The following TUBB8 variants were observed in gnomAD, a reference collection of about 807,000 sequenced individuals.
The protein encoded by TUBB8 is tubulin beta-8 chain.
Under a neutral mutation model 33.7 loss-of-function variants are expected in TUBB8, and 25 were observed. The observed-to-expected ratio is 0.74, with a 90% CI of 0.54 to 1.04. TUBB8 has a LOEUF of 1.04. TUBB8 is among the 50% of genes least tolerant of loss of function. The probability of loss-of-function intolerance (pLI) is 0.00; values close to 1 mark genes in which losing one functional copy is unlikely to be tolerated. For missense variants in TUBB8, 279 were observed against 608.0 expected (o/e 0.46, Z 5.69); for synonymous variants, 245 against 240.1 (o/e 1.02, Z -0.19).
chr10:75,947 T>C (rs1834807722), upstream of TUBB8, among the ~76,000 whole-genome samples: 1 of 151,940 alleles, frequency 6.6e-6, no homozygotes, highest in Non-Finnish European at 1.5e-5. Flanking sequence ...GAGACCAGCC[T>C]GGCCAACATA....
chr10:48,866 G>A lies in TUBB8; in HGVS notation c.104C>T (p.Thr35Ile). The A allele has an allele frequency of 6.3e-7, 1 of 1,587,990 alleles. No individual in the cohort carries two copies. Among genetic ancestry groups the A allele is most frequent in the Non-Finnish European group, 8.6e-7 (1 of 1,168,952 alleles). The change falls in exon 2 of 4, where the codon ACC becomes ATC. Residue 35 changes from threonine to isoleucine, a missense_variant. This residue lies in a region of TUBB8 where 56 missense variants were observed against 77.9 expected (regional missense o/e 0.72). Transcript: ENST00000568584. ...SDEHAIDSAG[T>I]YHGDSHLQLE... is the part of the protein sequence containing the mutation. ...CTGCAGGTGGCTGTCCCCGTGGTAG[G>A]TGCCAGCGGAGTCGATGGCATGTTC...
intron 1 of TUBB8, among the ~76,000 whole-genome samples, chr10:63,592 T>C (rs1481854578): frequency 6.6e-6 from 1 of 152,250 alleles, no homozygotes; most frequent in Non-Finnish European, 1.5e-5. Context: ...TGATGCATTC[T>C]TCAGTATGAT....
chr10:69,884 C>T (rs1221667906), intron 1 of TUBB8, among the ~76,000 whole-genome samples: 2,860 of 111,760 alleles, frequency 0.026, no homozygotes, highest in African/African-American at 0.065. Flanking sequence ...GGGCCAGACC[C>T]TAAAAACACT....
chr10:74,375 C>T (rs1554742828), upstream of TUBB8, among the ~76,000 whole-genome samples: 1 of 151,338 alleles, frequency 6.6e-6, no homozygotes, highest in Non-Finnish European at 1.5e-5. Context: ...GCCTGTAATC[C>T]CAGTACTTTG....
intron 1 of TUBB8, among the ~76,000 whole-genome samples, chr10:67,767 ATAT>A (rs1463603085): frequency 2.6e-5 from 4 of 152,110 alleles, no homozygotes; most frequent in Non-Finnish European, 5.9e-5. Context: ...ATTCCAAATA[ATAT>A]TATTACTGTT....
In TUBB8 at chr10:66,669, T is replaced by A. The variant is rs189207609; in HGVS notation, c.-846+7300A>T. On this transcript the variant is annotated intron_variant, in intron 1 of 3. Coordinates refer to the TUBB8 transcript ENST00000564130. The stretch of plus-strand genomic sequence containing the variant: ...GCCTTGAAAAAGAAAGAAAAAGAAA[T>A]TACATTTTTAAAAATCAACAGGCTG... Among the ~76,000 whole-genome samples the A allele has an allele frequency of 6.8e-3, 1,030 of 152,166 alleles. 7 individuals are homozygous for A. Among genetic ancestry groups the A allele is most frequent in the African/African-American group, 0.023 (973 of 41,518 alleles).
intron 1 of TUBB8, among the ~76,000 whole-genome samples, chr10:57,170 T>C (rs1834542157): frequency 6.6e-6 from 1 of 152,258 alleles, no homozygotes; most frequent in African/African-American, 2.4e-5. Context: ...GTTTAGACCT[T>C]GTGGCTTTGC....
At chr10:76,412 A>ACGCGCCGCGCT (rs1278419752), upstream of TUBB8, among the ~76,000 whole-genome samples, 5 of 152,088 alleles carry the variant, frequency 3.3e-5, no homozygotes, top group African/African-American at 1.2e-4. Context: ...CAGACGGGAA[A>ACGCGCCGCGCT]CGCGCCGCGC....
chr10:61,106 G>A (rs1452763275), intron 1 of TUBB8, among the ~76,000 whole-genome samples: 2 of 150,410 alleles, frequency 1.3e-5, no homozygotes, highest in East Asian at 2.0e-4. Flanking sequence ...GGATAGCACT[G>A]GGAGATATAC....
intron 1 of TUBB8, among the ~76,000 whole-genome samples, chr10:59,110 GT>G (rs1444679913): frequency 6.6e-6 from 1 of 152,112 alleles, no homozygotes; most frequent in Non-Finnish European, 1.5e-5. Flanking sequence ...TCCATACCCA[GT>G]TTTCAAAGGG....
At chr10:69,338 A>G (rs1247535097) in intron 1 of TUBB8, among the ~76,000 whole-genome samples, 2 of 152,158 alleles carry the variant, frequency 1.3e-5, no homozygotes, top group African/African-American at 4.8e-5. Flanking sequence ...ATGTTCCCTC[A>G]AGCCATTCAC....
upstream of TUBB8, among the ~76,000 whole-genome samples, chr10:75,384 G>A (rs1411289101): frequency 1.3e-5 from 2 of 150,560 alleles, no homozygotes; most frequent in Non-Finnish European, 3.0e-5. Flanking sequence ...GCTGGACGTG[G>A]TGGCTCACGC....
chr10:74,820 G>A (rs1284947045), upstream of TUBB8, among the ~76,000 whole-genome samples: 4 of 150,870 alleles, frequency 2.7e-5, no homozygotes, highest in African/African-American at 9.7e-5. Context: ...GAGCCCAGGA[G>A]TTCAAGACAA....
At position 46,932 on chromosome 10, in the gene TUBB8, A is replaced by C; in HGVS notation, c.*125T>G. 1.7e-6 allele frequency: 1 copy of C among 588,466 alleles called. No individual in the cohort carries two copies. The highest frequency in any genetic ancestry group is 3.0e-6 in the Non-Finnish European group (1 of 334,452). The allele number at this position is 588,466 out of a possible 1,614,324, so 36.5% of individuals were successfully genotyped here. On this transcript the variant is annotated 3_prime_UTR_variant, in exon 4 of 4. Transcript: ENST00000568584. ...TTATTAGTCAAAACCGCATACTATA[A>C]AAATGCTTTAAAACGCAGCAGGAGA... is the stretch of plus-strand genomic sequence containing the variant.
At chr10:73,285 T>G (rs1301250814) in intron 1 of TUBB8, among the ~76,000 whole-genome samples, 5 of 152,200 alleles carry the variant, frequency 3.3e-5, no homozygotes, top group African/African-American at 7.2e-5. Context: ...GTGAGCATGA[T>G]AATGTGCCTA....
upstream of TUBB8, among the ~76,000 whole-genome samples, chr10:75,184 A>AT (rs1468530651): frequency 2.1e-4 from 12 of 58,042 alleles, no homozygotes; most frequent in Non-Finnish European, 4.8e-4. Context: ...CGCCCAGCCA[A>AT]ATTTTTTTTT....
At chr10:72,341 T>A (rs187847672) in intron 1 of TUBB8, among the ~76,000 whole-genome samples, 3,760 of 151,120 alleles carry the variant, frequency 0.025, 45 homozygotes, top group Middle Eastern at 0.068. Flanking sequence ...GGTGGATCAC[T>A]TGAGGTCAGG....
At chr10:71,304 G>C (rs1834732885) in intron 1 of TUBB8, among the ~76,000 whole-genome samples, 1 of 151,694 alleles carries the variant, frequency 6.6e-6, no homozygotes, top group African/African-American at 2.4e-5. Context: ...AACTGAGTGA[G>C]ACTGCATCTC....
At chr10:62,009 G>C (rs34415800) in intron 1 of TUBB8, among the ~76,000 whole-genome samples, 61,817 of 147,808 alleles carry the variant, frequency 0.42, 8,547 homozygotes, top group African/African-American at 0.48. Context: ...TTTTTTTTTT[G>C]TAGGTCACAG....
Sources: gnomAD v4.1 joint callset for allele counts (sites outside exome capture counted in the v4.1 genomes callset) on GRCh38, gnomAD v4.1.1 for gene constraint, gnomAD v4.1.1 regional missense constraint, MANE v1.5 for transcripts, NCBI Gene and HGNC (gene_info 2026-07-23, HGNC 2026-07-21) for gene names.